GABRG1: variants seen among roughly 807,000 people sequenced by gnomAD.
The protein encoded by GABRG1 is gamma-aminobutyric acid type A receptor subunit gamma1.
GABRG1 carries 49 observed loss-of-function variants against 49.8 expected under a neutral mutation model. The ratio of observed to expected loss-of-function variants is 0.98; its 90% CI spans 0.78 to 1.25. The LOEUF (loss-of-function observed/expected upper bound fraction) is 1.25, where lower values mean the gene tolerates loss of function less well. Ranked by LOEUF, GABRG1 falls within the 50% of genes most tolerant of loss-of-function variation. GABRG1 has a pLI of 0.00. For missense variants in GABRG1, 552 were observed against 552.3 expected (o/e 1.00, Z 0.01); for synonymous variants, 232 against 185.1 (o/e 1.25, Z -2.06).
At chr4:46,052,547 A>C (rs774006865) in intron 7 of GABRG1, among the ~76,000 whole-genome samples, 9 of 151,838 alleles carry the variant, frequency 5.9e-5, no homozygotes, top group Admixed American at 6.6e-5. Flanking sequence ...TGTATCCTTG[A>C]AGGGATCTGT....
chr4:46,095,009 C>T (rs1268395720), intron 2 of GABRG1, among the ~76,000 whole-genome samples: 1 of 151,748 alleles, frequency 6.6e-6, no homozygotes, highest in East Asian at 1.9e-4. Context: ...AAAAAATCAC[C>T]TTGAATAAAA....
At position 46,083,844 on chromosome 4, in the gene GABRG1, T is replaced by C. The variant is rs1719660258; in HGVS notation, c.321+142A>G. ...GGTATAGTTTAGCTCCAGTTGCCAA[T>C]ACCTGGCACAAAGTAATTGTACATG... On this transcript the variant is annotated intron_variant, in intron 3 of 8. Transcript: ENST00000295452. The C allele has an allele frequency of 6.2e-6, 4 of 647,590 alleles. No individual in the cohort carries two copies. In the Admixed American group the frequency reaches 1.2e-4, roughly 19 times the overall value. 40.1% of individuals were successfully genotyped at this position (647,590 alleles called of 1,614,324 possible).
chr4:46,110,395 G>A (rs1268695018), intron 1 of GABRG1, among the ~76,000 whole-genome samples: 1 of 150,856 alleles, frequency 6.6e-6, no homozygotes, highest in Admixed American at 6.6e-5. Context: ...TTGAGCTGAT[G>A]GGCATTACTA....
At chr4:46,058,682 C>T in intron 5 of GABRG1, 60 bp from the exon 6 acceptor site, 1 of 1,326,778 alleles carries the variant, frequency 7.5e-7, no homozygotes, top group East Asian at 2.3e-5. Flanking sequence ...GCAATGCCAA[C>T]ATTATCCAAA....
At chr4:46,076,148 A>G (rs536406922) in intron 3 of GABRG1, among the ~76,000 whole-genome samples, 90 of 151,884 alleles carry the variant, frequency 5.9e-4, no homozygotes, top group Middle Eastern at 3.4e-3. Flanking sequence ...GGACTCTTCA[A>G]TCTGAATCAT....
intron 1 of GABRG1, among the ~76,000 whole-genome samples, chr4:46,103,523 A>G (rs1452534030): frequency 6.6e-5 from 10 of 151,716 alleles, no homozygotes; most frequent in Non-Finnish European, 1.3e-4. Context: ...AGGTTATCAT[A>G]GCCCTATTTT....
At position 46,084,039 on chromosome 4, in the gene GABRG1, T is replaced by C. The variant is rs766476945; in HGVS notation, c.268A>G (p.Ile90Val). 1.6e-5 allele frequency: 25 copies of C among 1,584,976 alleles called. 1 individual carries two copies. The highest frequency in any genetic ancestry group is 1.7e-5 in the Non-Finnish European group (20 of 1,159,242). The change falls in exon 3 of 9, where the codon ATT becomes GTT. Residue 90 changes from isoleucine (I) to valine (V), a missense_variant. By Grantham distance (29) the Ile-to-Val change is conservative. Coordinates refer to ENST00000295452, the MANE Select transcript of GABRG1 (RefSeq NM_173536.4). ...RPDIGVRPTV[I>V]ETDVYVNSIG... ...CTGTTTACATAAACATCAGTTTCAA[T>C]TACTGTGGGCCTCACTGCAAAATAT...
rs911901415 is a variant in GABRG1, at chr4:46,121,112, A to G, written c.104+2698T>C. 1.9e-3 allele frequency among the ~76,000 whole-genome samples: 288 copies of G among 151,826 alleles called. 4 individuals are homozygous for G. The highest frequency in any genetic ancestry group is 3.5e-4 in the Non-Finnish European group (24 of 67,806). On this transcript the variant is annotated intron_variant, in intron 1 of 8. Transcript: ENST00000295452. ...AAATAAAATAGTGTTTCTCCTCTAT[A>G]CTGTTGATGGAAATTAATGAGGAAA...
In GABRG1 at chr4:46,040,220, A is replaced by C. The variant is rs1028827876; in HGVS notation, c.*768T>G. On this transcript the variant is annotated 3_prime_UTR_variant, in exon 9 of 9. Coordinates refer to ENST00000295452, the MANE Select transcript of GABRG1 (RefSeq NM_173536.4). ...AATATTTCAGTGTTAACCTCATCAT[A>C]CATTATAAATGCTATGAAGCAGAGA... The C allele has an allele frequency of 7.2e-5, 11 of 151,928 alleles. No homozygotes were observed. Among genetic ancestry groups the C allele is most frequent in the Admixed American group, 6.6e-4 (10 of 15,188 alleles). 9.4% of individuals were successfully genotyped at this position (151,928 alleles called of 1,614,324 possible).
intron 3 of GABRG1, among the ~76,000 whole-genome samples, 161 bp downstream of exon 3, chr4:46,083,825 G>C (rs1476287114): frequency 6.6e-6 from 1 of 151,632 alleles, no homozygotes; most frequent in Non-Finnish European, 1.5e-5. Flanking sequence ...TACAGGTATA[G>C]TTTAGCTCCA....
chr4:46,054,756 G>A (rs1296593058), intron 7 of GABRG1, among the ~76,000 whole-genome samples: 1 of 10,688 alleles, frequency 9.4e-5, no homozygotes, highest in Non-Finnish European at 1.7e-4. Context: ...GGGCTGAGAC[G>A]ATGGGGTTTT....
intron 1 of GABRG1, among the ~76,000 whole-genome samples, chr4:46,104,011 G>C (rs186520243): frequency 1.3e-5 from 2 of 151,360 alleles, no homozygotes; most frequent in Admixed American, 1.3e-4. Context: ...TGAAGTAAGA[G>C]CACGTTTAGA....
chr4:46,058,576 G>A lies in GABRG1; in HGVS notation c.672C>T (p.Ser224=), dbSNP rs139684526. ...AGTATTTAGGATCAGCCACTTCTAC[G>A]GAGGGCTTTTTCCACTTATACTCAA... The part of the protein sequence containing the change: ...NEIEYKWKKP[S]VEVADPKYWR... Residue 224 remains serine (S), a synonymous_variant, in exon 6 of 9, where the codon TCC becomes TCT. Coordinates refer to ENST00000295452, the MANE Select transcript of GABRG1 (RefSeq NM_173536.4). 333 of 1,612,614 alleles carry A rather than the reference G, an allele frequency of 2.1e-4. No individual in the cohort carries two copies. The African/African-American group carries it at 4.2e-3, about 20-fold the overall frequency.
intron 3 of GABRG1, among the ~76,000 whole-genome samples, chr4:46,072,158 T>C (rs1349397751): frequency 6.6e-6 from 1 of 152,104 alleles, no homozygotes; most frequent in Non-Finnish European, 1.5e-5. Context: ...ACCTGTGACA[T>C]TCAGTTTAAT....
rs143787323 is a variant in GABRG1, at chr4:46,121,327, G to A, written c.104+2483C>T. ...GGGAAAGGGAGAGAGAAATATGATC[G>A]TACATGATTTATACATGTTAGCATC... is the stretch of plus-strand genomic sequence containing the variant. On this transcript the variant is annotated intron_variant, in intron 1 of 8. Transcript: ENST00000295452. Among the ~76,000 whole-genome samples the A allele has an allele frequency of 3.4e-4, 51 of 151,902 alleles. No homozygotes were observed. In the East Asian group the frequency reaches 8.3e-3, roughly 25 times the overall value.
At chr4:46,112,565 C>G (rs1425446749) in intron 1 of GABRG1, among the ~76,000 whole-genome samples, 1 of 151,174 alleles carries the variant, frequency 6.6e-6, no homozygotes, top group Non-Finnish European at 1.5e-5. Context: ...TTCACAACAG[C>G]AAAGTGATAG....
chr4:46,114,025 T>C (rs1001259669), intron 1 of GABRG1, among the ~76,000 whole-genome samples: 1 of 150,992 alleles, frequency 6.6e-6, no homozygotes, highest in African/African-American at 2.4e-5. Context: ...AAATCACTGA[T>C]TTTAGACCTA....
chr4:46,062,885 G>A (rs1331442015), intron 5 of GABRG1, among the ~76,000 whole-genome samples: 1 of 151,916 alleles, frequency 6.6e-6, no homozygotes, highest in Non-Finnish European at 1.5e-5. Flanking sequence ...CAGACAAACA[G>A]AGAGCCAAAT....
chr4:46,060,171 C>T (rs567587578), intron 5 of GABRG1, among the ~76,000 whole-genome samples: 81 of 151,886 alleles, frequency 5.3e-4, no homozygotes, highest in African/African-American at 1.9e-3. Context: ...TTGAGGTAGA[C>T]TTGTAATTAG....
Sources: gnomAD v4.1 joint callset for allele counts (sites outside exome capture counted in the v4.1 genomes callset) on GRCh38, gnomAD v4.1.1 for gene constraint, MANE v1.5 for transcripts, NCBI Gene and HGNC (gene_info 2026-07-23, HGNC 2026-07-21) for gene names.